TOX: variants seen among roughly 807,000 people sequenced by gnomAD.
The protein encoded by TOX is thymocyte selection-associated high mobility group box protein TOX.
In TOX, 11 loss-of-function variants were observed where a neutral mutation model predicts 53.7. The observed-to-expected ratio is 0.20, with a 90% CI of 0.13 to 0.34. TOX has a LOEUF of 0.34. Among genes scored for constraint, TOX ranks in the 10% least tolerant of loss-of-function variants. The probability of loss-of-function intolerance (pLI) is 1.00; values close to 1 mark genes in which losing one functional copy is unlikely to be tolerated. For missense variants in TOX, 570 were observed against 664.6 expected (o/e 0.86, Z 1.56); for synonymous variants, 225 against 245.3 (o/e 0.92, Z 0.77).
intron 1 of TOX, among the ~76,000 whole-genome samples, chr8:59,081,610 G>A (rs1454385736): frequency 6.6e-6 from 1 of 152,178 alleles, no homozygotes; most frequent in Non-Finnish European, 1.5e-5. Flanking sequence ...ACTTGAAAAA[G>A]TGTCTTTACA....
At chr8:58,824,197 C>G (rs1301732504) in intron 6 of TOX, among the ~76,000 whole-genome samples, 1 of 152,170 alleles carries the variant, frequency 6.6e-6, no homozygotes, top group Non-Finnish European at 1.5e-5. Flanking sequence ...CAGTGGCTAC[C>G]TGCAGGTGTC....
At chr8:59,097,301 T>C (rs1055098839) in intron 1 of TOX, among the ~76,000 whole-genome samples, 2 of 152,152 alleles carry the variant, frequency 1.3e-5, no homozygotes, top group East Asian at 3.9e-4. Flanking sequence ...GTTTCAGAAG[T>C]GTTGGAGTTT....
chr8:59,046,858 C>CAAAAAAAAAAAAA lies in TOX; in HGVS notation c.102+72015_102+72027dup, dbSNP rs34869193. 3.2e-3 allele frequency among the ~76,000 whole-genome samples: 246 copies of CAAAAAAAAAAAAA among 77,856 alleles called. 1 individual carries two copies. Among genetic ancestry groups the CAAAAAAAAAAAAA allele is most frequent in the Non-Finnish European group, 3.9e-3 (167 of 43,196 alleles). 51.1% of individuals were successfully genotyped at this position (77,856 alleles called of 152,430 possible). A position where few individuals can be genotyped will look rare whatever the true frequency, so the allele number is the denominator to read the frequency against. On this transcript the variant is annotated intron_variant, in intron 1 of 8. Coordinates refer to ENST00000361421, the MANE Select transcript of TOX (RefSeq NM_014729.3). ...TGGGAGACAGAGTGAGACTATGTCT[C>CAAAAAAAAAAAAA]AAAAAAAAAAAAAAAAAAAAAAAAA...
intron 3 of TOX, among the ~76,000 whole-genome samples, chr8:58,891,620 C>T (rs2129171936): frequency 6.6e-6 from 1 of 152,212 alleles, no homozygotes; most frequent in African/African-American, 2.4e-5. Context: ...AAACAGAGAC[C>T]CTTCAGGATG....
chr8:58,975,876 A>T (rs1317679783), intron 1 of TOX, among the ~76,000 whole-genome samples: 1 of 152,148 alleles, frequency 6.6e-6, no homozygotes, highest in Non-Finnish European at 1.5e-5. Flanking sequence ...GATCGAGACC[A>T]TCCTGGCCAA....
chr8:58,945,194 C>T (rs1019889930), intron 2 of TOX, among the ~76,000 whole-genome samples: 3 of 152,138 alleles, frequency 2.0e-5, no homozygotes, highest in Admixed American at 6.6e-5. Context: ...AACTAAAAGG[C>T]GAATGAATTT....
chr8:58,825,702 T>G (rs1334954285), intron 6 of TOX, among the ~76,000 whole-genome samples: 1 of 152,238 alleles, frequency 6.6e-6, no homozygotes, highest in Non-Finnish European at 1.5e-5. Context: ...CTGTTAACAA[T>G]ATCCACATGA....
chr8:58,901,246 A>G (rs1335318143), intron 3 of TOX, among the ~76,000 whole-genome samples: 1 of 152,194 alleles, frequency 6.6e-6, no homozygotes, highest in East Asian at 1.9e-4. Flanking sequence ...TAAAAAATGC[A>G]TGAGACAAAT....
At chr8:58,931,245 A>C (rs763009842) in intron 3 of TOX, among the ~76,000 whole-genome samples, 1 of 152,176 alleles carries the variant, frequency 6.6e-6, no homozygotes, top group Admixed American at 6.5e-5. Context: ...GAGAATAATT[A>C]GAAAAAATCA....
At chr8:58,868,834 T>C (rs1299651979) in intron 3 of TOX, among the ~76,000 whole-genome samples, 1 of 148,568 alleles carries the variant, frequency 6.7e-6, no homozygotes, top group Non-Finnish European at 1.5e-5. Flanking sequence ...TAGAGGAGGA[T>C]TCAATGAAAT....
At chr8:58,993,731 T>C (rs1813499922) in intron 1 of TOX, among the ~76,000 whole-genome samples, 1 of 152,220 alleles carries the variant, frequency 6.6e-6, no homozygotes, top group Admixed American at 6.5e-5. Context: ...TGACTATTCC[T>C]TTAAAATTAA....
intron 1 of TOX, among the ~76,000 whole-genome samples, chr8:58,995,704 G>A (rs1813548046): frequency 6.6e-6 from 1 of 152,152 alleles, no homozygotes; most frequent in Non-Finnish European, 1.5e-5. Context: ...TATGAATTGG[G>A]GGAGAGAAAT....
intron 3 of TOX, among the ~76,000 whole-genome samples, chr8:58,920,746 G>GAAAAAAAAAAAAAAAAAAAAAAA (rs1164471853): frequency 6.9e-5 from 3 of 43,214 alleles, no homozygotes; most frequent in Non-Finnish European, 1.6e-4. Context: ...AGAAAAAAAA[G>GAAAAAAAAAAAAAAAAAAAAAAA]AAGAAAAAAA....
chr8:58,858,444 G>A (rs147677195), intron 3 of TOX, among the ~76,000 whole-genome samples: 95 of 152,306 alleles, frequency 6.2e-4, no homozygotes, highest in African/African-American at 2.1e-3. Context: ...CCACCGCCTC[G>A]GCTGGCTCTG....
intron 1 of TOX, among the ~76,000 whole-genome samples, chr8:59,012,469 T>C (rs1813924860): frequency 6.6e-6 from 1 of 151,746 alleles, no homozygotes; most frequent in Non-Finnish European, 1.5e-5. Flanking sequence ...CCTGACCCCA[T>C]GCTTTGTGCA....
intron 2 of TOX, among the ~76,000 whole-genome samples, chr8:58,939,928 T>C (rs1812408136): frequency 6.6e-6 from 1 of 152,238 alleles, no homozygotes; most frequent in South Asian, 2.1e-4. Context: ...CGGGGCTCCC[T>C]ACTGCTCAGA....
intron 1 of TOX, among the ~76,000 whole-genome samples, chr8:58,965,668 T>C (rs935879741): frequency 6.6e-6 from 1 of 152,110 alleles, no homozygotes; most frequent in Non-Finnish European, 1.5e-5. Context: ...CACATTGTAT[T>C]GCCTACAAAG....
chr8:58,820,239 T>G (rs184619557), intron 6 of TOX, among the ~76,000 whole-genome samples: 14 of 152,134 alleles, frequency 9.2e-5, no homozygotes, highest in Non-Finnish European at 1.6e-4. Context: ...AACAGAGAAC[T>G]TTCTTGACTT....
At chr8:58,892,932 T>C (rs1811580137) in intron 3 of TOX, among the ~76,000 whole-genome samples, 1 of 152,182 alleles carries the variant, frequency 6.6e-6, no homozygotes, top group Non-Finnish European at 1.5e-5. Context: ...GGCAACAATA[T>C]TATAAAATGC....
Sources: allele counts gnomAD v4.1 joint callset (sites outside exome capture counted in the v4.1 genomes callset), GRCh38; gene constraint gnomAD v4.1.1; transcripts MANE v1.5; gene names NCBI Gene and HGNC (gene_info 2026-07-23, HGNC 2026-07-21).